The following SHROOM2 variants were observed in gnomAD, a reference collection of about 807,000 sequenced individuals.
SHROOM2 encodes shroom family member 2, also known as protein Shroom2.
A neutral mutation model predicts 75.9 loss-of-function variants in SHROOM2; 33 were observed. The ratio of observed to expected loss-of-function variants is 0.43; its 90% CI spans 0.33 to 0.58. The LOEUF (loss-of-function observed/expected upper bound fraction) is 0.58. SHROOM2 is among the 20% of genes least tolerant of loss of function. The pLI, the probability that SHROOM2 is intolerant of heterozygous loss-of-function variation, is 0.04. For synonymous variants in SHROOM2, 655 were observed against 663.6 expected, an observed-to-expected ratio of 0.99 and a Z score of 0.20; for missense variants, 1,434 against 1,461.2, an observed-to-expected ratio of 0.98 and a Z score of 0.30.
In SHROOM2 at chrX:9,866,916, G is replaced by T. The variant is rs184808307; in HGVS notation, c.166-6736G>T. The stretch of plus-strand genomic sequence containing the variant: ...CTTCACGGGGAAGCCTCTGCGGAAG[G>T]CCTTCCCAGCTTTTTCTAGTTGCCG... On this transcript the variant is annotated intron_variant, in intron 1 of 9. Coordinates refer to ENST00000380913, the MANE Select transcript of SHROOM2 (RefSeq NM_001649.4). Among the ~76,000 whole-genome samples, 3 of 110,343 alleles carry T rather than the reference G, an allele frequency of 2.7e-5. No individual in the cohort carries two copies. The East Asian group carries it at 8.6e-4, about 32-fold the overall frequency.
chrX:9,833,258 C>T (rs186801010), intron 1 of SHROOM2, among the ~76,000 whole-genome samples: 3 of 111,096 alleles, frequency 2.7e-5, no homozygotes, highest in East Asian at 2.9e-4. Context: ...TACCTGTGAC[C>T]GCCCCATGTT....
At chrX:9,860,788 G>A (rs1236277549) in intron 1 of SHROOM2, among the ~76,000 whole-genome samples, 1 of 111,782 alleles carries the variant, frequency 8.9e-6, no homozygotes, top group African/African-American at 3.3e-5. Flanking sequence ...CAGCGCAAAT[G>A]GACATTGACA....
chrX:9,808,140 GGTAGT>G (rs2083766271), intron 1 of SHROOM2, among the ~76,000 whole-genome samples: 2 of 111,463 alleles, frequency 1.8e-5, no homozygotes, highest in African/African-American at 6.5e-5. Flanking sequence ...CAGTAAATAC[GGTAGT>G]ACTTCACCCT....
intron 6 of SHROOM2, among the ~76,000 whole-genome samples, chrX:9,935,561 G>A (rs1170719332): frequency 9.0e-6 from 1 of 110,830 alleles, no homozygotes; most frequent in African/African-American, 3.3e-5. Flanking sequence ...TGAGGAAGCA[G>A]TTGTGAGGTG....
chrX:9,891,700 A>G (rs980596381), intron 3 of SHROOM2, among the ~76,000 whole-genome samples: 1 of 109,727 alleles, frequency 9.1e-6, no homozygotes, highest in Non-Finnish European at 1.9e-5. Flanking sequence ...GTGAGTGTGC[A>G]TGTGTATTTC....
In SHROOM2 at chrX:9,894,981, G is replaced by T; in HGVS notation, c.1073G>T (p.Arg358Leu). ...HFTALAQAQP[R>L]GDRRPELTDR... Reference sequence around the variant, plus strand: ...ACGGCCCTGGCCCAGGCTCAGCCTCGTGGTGACCGGAGACCAGAGCTCACC... The same window carrying T: ...ACGGCCCTGGCCCAGGCTCAGCCTCTTGGTGACCGGAGACCAGAGCTCACC... The change falls in exon 4 of 10, where the codon CGT becomes CTT. Residue 358 changes from arginine to leucine, a missense_variant. Physicochemically the swap from Arg to Leu is moderately radical, Grantham distance 102. Transcript: ENST00000380913. The T allele has an allele frequency of 2.5e-6, 3 of 1,210,368 alleles. No homozygotes were observed. Among genetic ancestry groups the T allele is most frequent in the Non-Finnish European group, 3.4e-6 (3 of 895,097 alleles).
At chrX:9,876,923 T>C (rs1466311724) in intron 2 of SHROOM2, among the ~76,000 whole-genome samples, 1 of 112,608 alleles carries the variant, frequency 8.9e-6, no homozygotes, top group Non-Finnish European at 1.9e-5. Context: ...CCCAAAGTGC[T>C]GGAATTACAG....
chrX:9,858,935 C>T (rs746257552), intron 1 of SHROOM2, among the ~76,000 whole-genome samples: 1 of 111,609 alleles, frequency 9.0e-6, no homozygotes, highest in Non-Finnish European at 1.9e-5. Context: ...GACTTGAGGC[C>T]GGGCGCGGTG....
intron 9 of SHROOM2, among the ~76,000 whole-genome samples, chrX:9,945,755 G>A (rs2084812981): frequency 8.9e-6 from 1 of 111,887 alleles, no homozygotes; most frequent in Non-Finnish European, 1.9e-5. Flanking sequence ...TAACTTCAAG[G>A]CGTTTCTCAG....
At chrX:9,901,433 G>C (rs758928133) in intron 5 of SHROOM2, among the ~76,000 whole-genome samples, 1 of 112,052 alleles carries the variant, frequency 8.9e-6, no homozygotes, top group Non-Finnish European at 1.9e-5. Flanking sequence ...CTCTCAGGAA[G>C]TGTCATCCTA....
chrX:9,867,572 A>G (rs902836337), intron 1 of SHROOM2, among the ~76,000 whole-genome samples: 1 of 111,636 alleles, frequency 9.0e-6, no homozygotes, highest in Non-Finnish European at 1.9e-5. Flanking sequence ...AATGAGCATC[A>G]TTGTGATGCT....
At chrX:9,838,181 C>A (rs1288329570) in intron 1 of SHROOM2, among the ~76,000 whole-genome samples, 3 of 107,828 alleles carry the variant, frequency 2.8e-5, no homozygotes, top group Non-Finnish European at 5.8e-5. Flanking sequence ...CTGCCTCAGC[C>A]TCCCGAGTTG....
chrX:9,895,102 G>T lies in SHROOM2; in HGVS notation c.1194G>T (p.Pro398=). 1.7e-6 allele frequency: 2 copies of T among 1,210,391 alleles called. No individual in the cohort carries two copies. The highest frequency in any genetic ancestry group is 1.1e-6 in the Non-Finnish European group (1 of 894,963). Residue 398 remains proline, a synonymous_variant, in exon 4 of 10, where the codon CCG becomes CCT. Coordinates refer to ENST00000380913, the MANE Select transcript of SHROOM2 (RefSeq NM_001649.4). ...PQEAHADGSW[P]PSKDGASSRL... ...AGGCCCACGCAGACGGCAGCTGGCC[G>T]CCCTCCAAGGATGGAGCTTCCAGTA...
chrX:9,872,570 A>T (rs1193913393), intron 1 of SHROOM2, among the ~76,000 whole-genome samples: 1 of 112,009 alleles, frequency 8.9e-6, no homozygotes, highest in Non-Finnish European at 1.9e-5. Context: ...TCTCAAAAAA[A>T]AGAAAAAAGG....
intron 1 of SHROOM2, among the ~76,000 whole-genome samples, chrX:9,830,620 A>G (rs2083911292): frequency 2.7e-5 from 1 of 36,638 alleles, no homozygotes; most frequent in Admixed American, 4.0e-4. Flanking sequence ...TTTTTTTTTG[A>G]GACAGAGTTT....
chrX:9,891,227 C>T (rs2084290184), intron 3 of SHROOM2, 119 bp downstream of exon 3: 2 of 876,993 alleles, frequency 2.3e-6, no homozygotes, highest in Non-Finnish European at 3.1e-6. Context: ...CACATAATCA[C>T]AGTTGGAGGG....
intron 1 of SHROOM2, among the ~76,000 whole-genome samples, chrX:9,850,796 C>T (rs1569149529): frequency 9.5e-6 from 1 of 105,520 alleles, no homozygotes; most frequent in African/African-American, 3.5e-5. Flanking sequence ...CGTGCCACTG[C>T]ACTCCAGCCT....
intron 6 of SHROOM2, among the ~76,000 whole-genome samples, chrX:9,933,529 G>A (rs1330214671): frequency 1.8e-5 from 2 of 111,983 alleles, no homozygotes; most frequent in East Asian, 2.8e-4. Context: ...CCAGCACGTC[G>A]AGAGTTCAAG....
chrX:9,891,164 G>A (rs890493596), intron 3 of SHROOM2, 56 bp downstream of exon 3: 22 of 1,132,744 alleles, frequency 1.9e-5, no homozygotes, highest in African/African-American at 1.4e-4. Context: ...TGCAGGGAGC[G>A]CACTCCTGAC....
Sources: allele counts gnomAD v4.1 joint callset (sites outside exome capture counted in the v4.1 genomes callset), GRCh38; gene constraint gnomAD v4.1.1; transcripts MANE v1.5; gene names NCBI Gene and HGNC (gene_info 2026-07-23, HGNC 2026-07-21).